Variants in DCDC2 observed in about 807,000 individuals in gnomAD.
DCDC2 encodes the protein doublecortin domain containing 2.
Under a neutral mutation model 50.2 loss-of-function variants are expected in DCDC2, and 40 were observed. That is an observed-to-expected ratio of 0.80 (90% confidence interval 0.62 to 1.04). The LOEUF is 1.04. Ranked by LOEUF, DCDC2 falls within the 50% of genes least tolerant of loss-of-function variation. The probability of loss-of-function intolerance (pLI) is 0.00; values close to 1 mark genes in which losing one functional copy is unlikely to be tolerated. For missense variants in DCDC2, 570 were observed against 581.9 expected (o/e 0.98, Z 0.21); for synonymous variants, 234 against 210.6 (o/e 1.11, Z -0.96).
upstream of DCDC2, among the ~76,000 whole-genome samples, chr6:24,359,750 AG>A (rs1760629054): frequency 6.6e-6 from 1 of 150,822 alleles, no homozygotes; most frequent in South Asian, 2.1e-4. Flanking sequence ...GAGGGAAGGA[AG>A]GAAGGGAAAA....
chr6:24,196,670 C>A (rs1214157123), intron 8 of DCDC2, among the ~76,000 whole-genome samples: 1 of 152,172 alleles, frequency 6.6e-6, no homozygotes, highest in South Asian at 2.1e-4. Context: ...GTGATCCAGA[C>A]CACCTCAGCC....
chr6:24,204,065 G>A (rs979524390), intron 8 of DCDC2, among the ~76,000 whole-genome samples: 1 of 152,112 alleles, frequency 6.6e-6, no homozygotes, highest in African/African-American at 2.4e-5. Context: ...TCAACATTGT[G>A]GAAGACAATG....
At chr6:24,181,970 T>C (rs77234360) in intron 8 of DCDC2, among the ~76,000 whole-genome samples, 4,095 of 152,234 alleles carry the variant, frequency 0.027, 166 homozygotes, top group African/African-American at 0.093. Flanking sequence ...GACAGATATA[T>C]AGACCAATGG....
intron 7 of DCDC2, among the ~76,000 whole-genome samples, chr6:24,211,442 T>A (rs1384488746): frequency 6.6e-6 from 1 of 152,070 alleles, no homozygotes; most frequent in Non-Finnish European, 1.5e-5. Context: ...ATCCTGATCG[T>A]AAGAAACTGT....
chr6:24,230,085 TTAAAACA>T (rs2113782231), intron 7 of DCDC2, among the ~76,000 whole-genome samples: 1 of 152,366 alleles, frequency 6.6e-6, no homozygotes, highest in South Asian at 2.1e-4. Flanking sequence ...TTAGGAAAAC[TTAAAACA>T]TAAAGTTTTT....
rs1350287420 is a variant in DCDC2 at position 24,192,791 on chromosome 6, A to G, written c.1023+12211T>C. Among the ~76,000 whole-genome samples, 4 of 152,102 alleles carry G rather than the reference A, an allele frequency of 2.6e-5. No individual in the cohort carries two copies. In the East Asian group the frequency reaches 5.8e-4, roughly 22 times the overall value. ...AGATAATCACTTGGGGAGGTCCTAT[A>G]TTCAAATACCTGGACTTCTGGAAAC... On this transcript the variant is annotated intron_variant, in intron 8 of 9. Transcript: ENST00000378454.
At chr6:24,205,216 G>A (rs759844072) in intron 7 of DCDC2, 114 bp from the exon 8 acceptor site, 2 of 1,611,316 alleles carry the variant, frequency 1.2e-6, no homozygotes, top group East Asian at 2.2e-5. Context: ...TCCCTTTTTA[G>A]TTGATAGTAT....
intron 9 of DCDC2, among the ~76,000 whole-genome samples, chr6:24,177,632 C>A (rs1760954111): frequency 6.6e-6 from 1 of 152,170 alleles, no homozygotes; most frequent in African/African-American, 2.4e-5. Flanking sequence ...GCAACAGGAT[C>A]ATATTGTCCC....
intron 8 of DCDC2, among the ~76,000 whole-genome samples, chr6:24,204,793 TAA>T (rs1448839612): frequency 1.3e-5 from 2 of 152,154 alleles, no homozygotes; most frequent in African/African-American, 4.8e-5. Flanking sequence ...TGCTGTTATT[TAA>T]AAAGACTTGG....
chr6:24,309,126 A>G (rs1203048466), intron 2 of DCDC2, among the ~76,000 whole-genome samples: 2 of 152,132 alleles, frequency 1.3e-5, no homozygotes, highest in Non-Finnish European at 2.9e-5. Flanking sequence ...GGAGTTCAAG[A>G]CCAGCCTGGC....
chr6:24,243,375 A>G (rs1235983160), intron 7 of DCDC2, among the ~76,000 whole-genome samples: 1 of 152,202 alleles, frequency 6.6e-6, no homozygotes, highest in Non-Finnish European at 1.5e-5. Flanking sequence ...CATTTAATCC[A>G]GGCTCTGCCA....
intron 7 of DCDC2, among the ~76,000 whole-genome samples, chr6:24,207,985 C>T (rs1697531412): frequency 6.6e-6 from 1 of 152,174 alleles, no homozygotes; most frequent in Non-Finnish European, 1.5e-5. Flanking sequence ...CTGTATGTCA[C>T]CATCTGAGTA....
At chr6:24,337,724 G>T (rs556679780) in intron 2 of DCDC2, among the ~76,000 whole-genome samples, 1 of 150,176 alleles carries the variant, frequency 6.7e-6, no homozygotes, top group African/African-American at 2.4e-5. Flanking sequence ...CTTGAACCTG[G>T]GAGACGGAGG....
intron 7 of DCDC2, among the ~76,000 whole-genome samples, chr6:24,257,971 G>A (rs962095854): frequency 2.0e-5 from 3 of 152,122 alleles, no homozygotes; most frequent in African/African-American, 2.4e-5. Context: ...AAAAATCTAG[G>A]ATGACTCTAA....
intron 2 of DCDC2, among the ~76,000 whole-genome samples, chr6:24,333,601 C>T (rs980040182): frequency 2.6e-5 from 4 of 152,272 alleles, no homozygotes; most frequent in Non-Finnish European, 5.9e-5. Flanking sequence ...GATTCATGAA[C>T]TGAAGTCCAA....
chr6:24,355,458 G>A (rs1760450315), intron 1 of DCDC2, among the ~76,000 whole-genome samples: 1 of 152,100 alleles, frequency 6.6e-6, no homozygotes, highest in Non-Finnish European at 1.5e-5. Flanking sequence ...GGTCATAGAG[G>A]TGTCTTATAT....
intron 2 of DCDC2, among the ~76,000 whole-genome samples, chr6:24,319,670 G>A (rs1759736976): frequency 6.6e-6 from 1 of 152,118 alleles, no homozygotes; most frequent in Non-Finnish European, 1.5e-5. Context: ...GGTAAGAAGG[G>A]TATTTTGAAA....
chr6:24,267,941 A>T (rs1763159553), intron 7 of DCDC2, among the ~76,000 whole-genome samples: 1 of 152,202 alleles, frequency 6.6e-6, no homozygotes, highest in Non-Finnish European at 1.5e-5. Flanking sequence ...CCCTACAATG[A>T]TCAGGTAATG....
intron 7 of DCDC2, among the ~76,000 whole-genome samples, chr6:24,274,959 C>G (rs1436575068): frequency 6.6e-6 from 1 of 152,040 alleles, no homozygotes; most frequent in Non-Finnish European, 1.5e-5. Context: ...AACTAAATAG[C>G]TTATTTAATA....
Sources: gnomAD v4.1 joint callset for allele counts (sites outside exome capture counted in the v4.1 genomes callset) on GRCh38, gnomAD v4.1.1 for gene constraint, MANE v1.5 for transcripts, NCBI Gene and HGNC (gene_info 2026-07-23, HGNC 2026-07-21) for gene names.